Variants in MSRA observed in about 807,000 individuals in gnomAD.
The protein encoded by MSRA is mitochondrial peptide methionine sulfoxide reductase.
Under a neutral mutation model 31.3 loss-of-function variants are expected in MSRA, and 54 were observed. The ratio of observed to expected loss-of-function variants is 1.73; its 90% CI spans 1.39 to 2.17. The LOEUF (loss-of-function observed/expected upper bound fraction) is 2.17, where lower values mean the gene tolerates loss of function less well. MSRA is among the 30% of genes most tolerant of loss of function. The pLI, the probability that MSRA is intolerant of heterozygous loss-of-function variation, is 0.00. For synonymous variants in MSRA, 169 were observed against 116.5 expected (o/e 1.45, Z -2.90); for missense variants, 507 against 300.9 (o/e 1.69, Z -5.07).
chr8:10,091,612 T>G (rs927256712), intron 1 of MSRA, among the ~76,000 whole-genome samples: 5 of 151,940 alleles, frequency 3.3e-5, no homozygotes, highest in Non-Finnish European at 7.4e-5. Context: ...TGGTAGTTTT[T>G]TTTTTTTTTT....
At chr8:10,098,444 G>C (rs548925742) in intron 1 of MSRA, among the ~76,000 whole-genome samples, 1 of 152,172 alleles carries the variant, frequency 6.6e-6, no homozygotes, top group Admixed American at 6.5e-5. Flanking sequence ...ATAATTACTC[G>C]CTCATTTATT....
At chr8:10,210,107 G>C (rs1371335677) in intron 2 of MSRA, among the ~76,000 whole-genome samples, 2 of 152,160 alleles carry the variant, frequency 1.3e-5, no homozygotes, top group Non-Finnish European at 2.9e-5. Context: ...CTGCCATTCT[G>C]GGTTGTTTAT....
At chr8:10,416,842 T>C (rs969362804) in intron 5 of MSRA, among the ~76,000 whole-genome samples, 2 of 152,186 alleles carry the variant, frequency 1.3e-5, no homozygotes, top group Admixed American at 1.3e-4. Flanking sequence ...AACAAACTCA[T>C]TCCTTCCTCT....
chr8:10,297,143 C>T (rs1351286912), intron 3 of MSRA, among the ~76,000 whole-genome samples: 2 of 152,050 alleles, frequency 1.3e-5, no homozygotes, highest in Non-Finnish European at 2.9e-5. Flanking sequence ...AGCTAGATGA[C>T]CCCAGAATGC....
At chr8:10,331,172 G>A (rs1802673465) in intron 5 of MSRA, among the ~76,000 whole-genome samples, 1 of 152,206 alleles carries the variant, frequency 6.6e-6, no homozygotes, top group South Asian at 2.1e-4. Context: ...AGAACTGTAA[G>A]AAATAGAAGC....
At chr8:10,246,006 C>G (rs980120820) in intron 3 of MSRA, among the ~76,000 whole-genome samples, 2 of 152,194 alleles carry the variant, frequency 1.3e-5, no homozygotes, top group African/African-American at 4.8e-5. Flanking sequence ...CAGGGATCAG[C>G]AAACTATTGA....
At chr8:10,056,093 A>G (rs997942558) in intron 1 of MSRA, among the ~76,000 whole-genome samples, 2 of 150,872 alleles carry the variant, frequency 1.3e-5, no homozygotes, top group Non-Finnish European at 2.9e-5. Context: ...AGGAATTTAT[A>G]CGTGCATGTT....
intron 5 of MSRA, among the ~76,000 whole-genome samples, chr8:10,365,416 A>C (rs1468927224): frequency 6.6e-6 from 1 of 152,244 alleles, no homozygotes; most frequent in Non-Finnish European, 1.5e-5. Flanking sequence ...TCATCTTAAA[A>C]TAACGCCTCC....
At chr8:10,126,969 G>T (rs146826396) in intron 1 of MSRA, among the ~76,000 whole-genome samples, 1 of 152,222 alleles carries the variant, frequency 6.6e-6, no homozygotes, top group African/African-American at 2.4e-5. Context: ...ACCTCCTGCT[G>T]TGCGGCCTGG....
intron 3 of MSRA, among the ~76,000 whole-genome samples, chr8:10,253,746 T>G (rs1798033263): frequency 6.6e-6 from 1 of 151,852 alleles, no homozygotes; most frequent in Non-Finnish European, 1.5e-5. Context: ...AATAACCTTA[T>G]GGGGGTCAGG....
intron 1 of MSRA, among the ~76,000 whole-genome samples, chr8:10,137,285 C>T (rs1229087466): frequency 6.6e-6 from 1 of 152,158 alleles, no homozygotes; most frequent in Admixed American, 6.5e-5. Context: ...TTTGTGTAAT[C>T]AAGTACAGGA....
intron 3 of MSRA, among the ~76,000 whole-genome samples, chr8:10,261,498 C>A (rs1798481547): frequency 6.6e-6 from 1 of 151,830 alleles, no homozygotes; most frequent in African/African-American, 2.4e-5. Context: ...GAGTTTGAGA[C>A]CAGGCTGGGC....
intron 1 of MSRA, among the ~76,000 whole-genome samples, chr8:10,116,209 G>A (rs577503154): frequency 5.9e-5 from 9 of 152,320 alleles, no homozygotes; most frequent in Admixed American, 1.3e-4. Context: ...CCAGGATGCC[G>A]TTGAGTGCAT....
At chr8:10,423,601 C>G (rs1013801733) in intron 5 of MSRA, among the ~76,000 whole-genome samples, 1 of 152,192 alleles carries the variant, frequency 6.6e-6, no homozygotes, top group African/African-American at 2.4e-5. Context: ...CACCACCCCA[C>G]TCTCCCTGCA....
chr8:10,200,051 G>A (rs1262957798), intron 1 of MSRA, among the ~76,000 whole-genome samples: 1 of 152,174 alleles, frequency 6.6e-6, no homozygotes, highest in African/African-American at 2.4e-5. Flanking sequence ...GCTCAGGCTT[G>A]TTCTTCTGCA....
chr8:10,156,851 TCTTTA>T (rs1447783025), intron 1 of MSRA, among the ~76,000 whole-genome samples: 3 of 149,868 alleles, frequency 2.0e-5, no homozygotes, highest in Admixed American at 6.7e-5. Flanking sequence ...GAAATTGGAT[TCTTTA>T]CTTAGTCAAG....
chr8:10,396,746 A>G (rs1293059494), intron 5 of MSRA, among the ~76,000 whole-genome samples: 1 of 152,192 alleles, frequency 6.6e-6, no homozygotes, highest in African/African-American at 2.4e-5. Flanking sequence ...CCTCCCAGTA[A>G]GACCATACCT....
intron 4 of MSRA, among the ~76,000 whole-genome samples, chr8:10,309,899 C>A (rs975093129): frequency 6.6e-6 from 1 of 152,190 alleles, no homozygotes; most frequent in Non-Finnish European, 1.5e-5. Context: ...GAGGTTGGCT[C>A]CCGAGCCTCT....
intron 1 of MSRA, among the ~76,000 whole-genome samples, chr8:10,062,946 C>A (rs990562168): frequency 6.6e-6 from 1 of 152,114 alleles, no homozygotes; most frequent in African/African-American, 2.4e-5. Context: ...GGTAAGAAGT[C>A]AGAAGGGTAA....
Sources: gnomAD v4.1 joint callset for allele counts (sites outside exome capture counted in the v4.1 genomes callset) on GRCh38, gnomAD v4.1.1 for gene constraint, MANE v1.5 for transcripts, NCBI Gene and HGNC (gene_info 2026-07-23, HGNC 2026-07-21) for gene names.